Variants in SEC14L1 observed in about 807,000 individuals in gnomAD.
SEC14L1 encodes the protein SEC14 like lipid binding 1.
SEC14L1 carries 48 observed loss-of-function variants against 85.3 expected under a neutral mutation model. The observed-to-expected ratio is 0.56, with a 90% CI of 0.45 to 0.72. The LOEUF (loss-of-function observed/expected upper bound fraction) is 0.72, where lower values mean the gene tolerates loss of function less well. Ranked by LOEUF, SEC14L1 falls within the 30% of genes least tolerant of loss-of-function variation. The pLI is 0.00. For synonymous variants in SEC14L1, 391 were observed against 355.5 expected, an observed-to-expected ratio of 1.10 and a Z score of -1.12; for missense variants, 682 against 921.4, an observed-to-expected ratio of 0.74 and a Z score of 3.36.
intron 3 of SEC14L1, among the ~76,000 whole-genome samples, chr17:77,149,856 G>GTTTTTTTT (rs201022692): frequency 8.1e-6 from 1 of 123,930 alleles, no homozygotes. Flanking sequence ...GCTGATTTGT[G>GTTTTTTTT]TTTTTTTTTT....
chr17:77,204,124 GAGA>G (rs892937235), intron 10 of SEC14L1, among the ~76,000 whole-genome samples: 30 of 152,286 alleles, frequency 2.0e-4, no homozygotes, highest in Middle Eastern at 3.4e-3. Flanking sequence ...CCCCCTCCCA[GAGA>G]AGAAGATGGT....
intron 3 of SEC14L1, among the ~76,000 whole-genome samples, chr17:77,121,271 G>T (rs1204963376): frequency 6.6e-6 from 1 of 152,236 alleles, no homozygotes; most frequent in African/African-American, 2.4e-5. Context: ...GAAAAGAGAT[G>T]TGGAGAAGTG....
At chr17:77,161,224 C>T (rs1037521491) in intron 3 of SEC14L1, among the ~76,000 whole-genome samples, 8 of 152,210 alleles carry the variant, frequency 5.3e-5, no homozygotes, top group East Asian at 1.9e-4. Flanking sequence ...AGGTGGCTCA[C>T]GCCTATAATC....
upstream of SEC14L1, among the ~76,000 whole-genome samples, chr17:77,136,700 G>A (rs909901004): frequency 1.4e-4 from 22 of 152,086 alleles, no homozygotes; most frequent in Admixed American, 3.9e-4. Flanking sequence ...AGCGTCGTTC[G>A]GGGAGCAGGT....
chr17:77,208,547 C>T (rs193204264), intron 13 of SEC14L1, among the ~76,000 whole-genome samples: 1 of 152,204 alleles, frequency 6.6e-6, no homozygotes, highest in Admixed American at 6.5e-5. Flanking sequence ...TTCTTCACCT[C>T]TCTCCTGAGC....
intron 3 of SEC14L1, among the ~76,000 whole-genome samples, chr17:77,180,228 C>T (rs1289511735): frequency 2.0e-5 from 3 of 150,842 alleles, no homozygotes; most frequent in Non-Finnish European, 3.0e-5. Flanking sequence ...CTCAACCTCT[C>T]GAGTAGCTGG....
rs1463258749 is a variant in SEC14L1, at chr17:77,206,151, C to G, written c.1170-78C>G. 3.4e-6 allele frequency: 5 copies of G among 1,459,794 alleles called. No individual in the cohort carries two copies. The highest frequency in any genetic ancestry group is 1.4e-5 in the African/African-American group (1 of 71,382). The allele number at this position is 1,459,794 out of a possible 1,614,324, so 90.4% of individuals were successfully genotyped here. On this transcript the variant is annotated intron_variant, in intron 11 of 16. Transcript: ENST00000436233. The surrounding 1 kb of genome is among the most constrained non-coding windows in gnomAD (Gnocchi z 4.3). Reference sequence around the variant, plus strand: ...TGTATTTGGAAATAGCTATAAATGACCAAAAAGGAAGAAAATAAGACACAG... The same window carrying G: ...TGTATTTGGAAATAGCTATAAATGAGCAAAAAGGAAGAAAATAAGACACAG...
Position 77,206,602 on chromosome 17 carries a change from CAGA to C in SEC14L1, c.1342-120_1342-118del, listed in dbSNP as rs574706314. ...CCTAATGCCATGCAAATAGACTTTACAGAAGAAGTATATAAACTTGAATGTCTT... is the reference window on the plus strand; with the variant it reads ...CCTAATGCCATGCAAATAGACTTTACAGAAGTATATAAACTTGAATGTCTT... On this transcript the variant is annotated intron_variant, in intron 12 of 16. Coordinates refer to ENST00000436233, the MANE Select transcript of SEC14L1 (RefSeq NM_001143998.2). The surrounding 1 kb of genome is among the most constrained non-coding windows in gnomAD (Gnocchi z 4.3). 1,233 of 1,275,230 alleles carry C rather than the reference CAGA, an allele frequency of 9.7e-4. No homozygotes were observed. The highest frequency in any genetic ancestry group is 1.7e-3 in the Middle Eastern group (6 of 3,564). The allele number at this position is 1,275,230 out of a possible 1,614,324, so 79.0% of individuals were successfully genotyped here.
At position 77,215,713 on chromosome 17, in the gene SEC14L1, C is replaced by T. The variant is rs539930613; in HGVS notation, c.*1690C>T. The T allele has an allele frequency of 2.3e-5, 23 of 993,584 alleles. No individual in the cohort carries two copies. Among genetic ancestry groups the T allele is most frequent in the Middle Eastern group, 1.0e-3 (2 of 1,938 alleles). 61.5% of individuals were successfully genotyped at this position (993,584 alleles called of 1,614,324 possible). On this transcript the variant is annotated 3_prime_UTR_variant, in exon 17 of 17. Coordinates refer to ENST00000436233, the MANE Select transcript of SEC14L1 (RefSeq NM_001143998.2). ...CTGAAGCCTTTGCTTCCGGAAAGCG[C>T]GGTAGGGTTCGTAGGTAGGGCTAGT...
chr17:77,132,924 G>A (rs1374081292), intron 3 of SEC14L1, among the ~76,000 whole-genome samples: 1 of 150,976 alleles, frequency 6.6e-6, no homozygotes, highest in Non-Finnish European at 1.5e-5. Context: ...GTGCAGTGGT[G>A]CAATCATGAC....
intron 3 of SEC14L1, among the ~76,000 whole-genome samples, chr17:77,135,701 T>C (rs1464726435): frequency 1.3e-5 from 2 of 152,056 alleles, no homozygotes; most frequent in African/African-American, 2.4e-5. Flanking sequence ...CATGCCTGGC[T>C]AATTTTTTAA....
Position 77,216,745 on chromosome 17 carries a change from C to A in SEC14L1, c.*2722C>A. On this transcript the variant is annotated 3_prime_UTR_variant, in exon 17 of 17. Coordinates refer to ENST00000436233, the MANE Select transcript of SEC14L1 (RefSeq NM_001143998.2). The stretch of plus-strand genomic sequence containing the variant: ...GTAGTGCATCTTGAAGAGCTCAAAG[C>A]ACATGACCGCACAAATGCTTACAGG... 9.7e-7 allele frequency: 1 copy of A among 1,030,544 alleles called. No homozygotes were observed. Among genetic ancestry groups the A allele is most frequent in the Non-Finnish European group, 1.4e-6 (1 of 705,072 alleles). 63.8% of individuals were successfully genotyped at this position (1,030,544 alleles called of 1,614,324 possible). A position where few individuals can be genotyped will look rare whatever the true frequency, so the allele number is the denominator to read the frequency against.
At chr17:77,172,776 CTTG>C (rs778315301) in intron 3 of SEC14L1, among the ~76,000 whole-genome samples, 3 of 152,154 alleles carry the variant, frequency 2.0e-5, no homozygotes, top group Non-Finnish European at 2.9e-5. Flanking sequence ...TCATCCTTCC[CTTG>C]TTGTATATAG....
At chr17:77,136,546 G>A (rs1048622486), upstream of SEC14L1, among the ~76,000 whole-genome samples, 1 of 152,182 alleles carries the variant, frequency 6.6e-6, no homozygotes, top group Admixed American at 6.5e-5. Context: ...GTGGTCACTT[G>A]GCACAGGCTA....
Position 77,173,218 on chromosome 17 carries a change from G to A in SEC14L1, c.64-17585G>A, listed in dbSNP as rs140982925. Among the ~76,000 whole-genome samples the A allele has an allele frequency of 3.3e-5, 5 of 152,276 alleles. No individual in the cohort carries two copies. The East Asian group carries it at 9.6e-4, about 29-fold the overall frequency. ...TTCCCTTAAGGGGAAGAGAGTTGGA[G>A]CTAACTCTTTAGAAGTGGTGGGGAA... On this transcript the variant is annotated intron_variant, in intron 3 of 16. Transcript: ENST00000436233.
In SEC14L1 at chr17:77,150,441, A is replaced by G. The variant is rs114151970; in HGVS notation, c.63+6782A>G. 8.5e-3 allele frequency among the ~76,000 whole-genome samples: 1,294 copies of G among 152,334 alleles called. 20 individuals carry two copies. The highest frequency in any genetic ancestry group is 0.029 in the African/African-American group (1,202 of 41,576). On this transcript the variant is annotated intron_variant, in intron 3 of 16. Coordinates refer to ENST00000436233, the MANE Select transcript of SEC14L1 (RefSeq NM_001143998.2). Reference sequence around the variant, plus strand: ...CTCCAAATACCAGGGGAACTGAATCAGTTTATAAGTGAGTAAATGACTATG... The same window carrying G: ...CTCCAAATACCAGGGGAACTGAATCGGTTTATAAGTGAGTAAATGACTATG...
At chr17:77,120,589 G>A (rs1972272165) in intron 3 of SEC14L1, among the ~76,000 whole-genome samples, 1 of 151,946 alleles carries the variant, frequency 6.6e-6, no homozygotes, top group Non-Finnish European at 1.5e-5. Context: ...CGATTCTCCT[G>A]CTTCAGCCTC....
chr17:77,177,155 C>T (rs1974794251), intron 3 of SEC14L1, among the ~76,000 whole-genome samples: 1 of 151,574 alleles, frequency 6.6e-6, no homozygotes, highest in African/African-American at 2.4e-5. Context: ...GTTACTGAGA[C>T]ATCAAGGAAC....
intron 3 of SEC14L1, among the ~76,000 whole-genome samples, chr17:77,182,672 T>C (rs1975090081): frequency 6.6e-6 from 1 of 152,142 alleles, no homozygotes; most frequent in Non-Finnish European, 1.5e-5. Context: ...ATGTTGGGCG[T>C]GATTAGGAAA....
Sources: allele counts gnomAD v4.1 joint callset (sites outside exome capture counted in the v4.1 genomes callset), GRCh38; gene constraint gnomAD v4.1.1; non-coding constraint Gnocchi (gnomAD v3.1); transcripts MANE v1.5; gene names NCBI Gene and HGNC (gene_info 2026-07-23, HGNC 2026-07-21).